Variants in CAMK4 observed in about 807,000 individuals in gnomAD.
CAMK4 encodes calcium/calmodulin dependent protein kinase IV, also known as calcium/calmodulin-dependent protein kinase type IV.
In CAMK4, 22 loss-of-function variants were observed where a neutral mutation model predicts 44.9. The ratio of observed to expected loss-of-function variants is 0.49; its 90% CI spans 0.35 to 0.70. The LOEUF is 0.70. CAMK4 is among the 30% of genes least tolerant of loss of function. CAMK4 has a pLI of 0.01. For synonymous variants in CAMK4, 218 were observed against 215.4 expected, an observed-to-expected ratio of 1.01 and a Z score of -0.11; for missense variants, 498 against 586.8, an observed-to-expected ratio of 0.85 and a Z score of 1.56.
chr5:111,384,175 G>A (rs1751514923), intron 4 of CAMK4, among the ~76,000 whole-genome samples: 3 of 152,138 alleles, frequency 2.0e-5, no homozygotes, highest in South Asian at 4.1e-4. Flanking sequence ...ACAGACAAGG[G>A]CAAGAAAAAG....
chr5:111,482,607 A>G lies in CAMK4; in HGVS notation c.829-178A>G. 2.2e-6 allele frequency: 1 copy of G among 458,828 alleles called. No homozygotes were observed. The allele number at this position is 458,828 out of a possible 1,614,324, so 28.4% of individuals were successfully genotyped here. ...CCTGTCTTCTCATACTCCCTCAGCT[A>G]CTGCTACCTGAAGCTGTGCCTACCT... is the stretch of plus-strand genomic sequence containing the variant. On this transcript the variant is annotated intron_variant, in intron 9 of 10. Coordinates refer to ENST00000282356, the MANE Select transcript of CAMK4 (RefSeq NM_001744.6). The surrounding 1 kb of genome is among the most constrained non-coding windows in gnomAD (Gnocchi z 4.9).
At chr5:111,266,858 A>T (rs928735935) in intron 1 of CAMK4, among the ~76,000 whole-genome samples, 2 of 152,178 alleles carry the variant, frequency 1.3e-5, no homozygotes, top group Non-Finnish European at 2.9e-5. Context: ...GATGTCAATG[A>T]CCACACCCTC....
chr5:111,441,171 T>A (rs1486128512), intron 5 of CAMK4, among the ~76,000 whole-genome samples: 1 of 152,180 alleles, frequency 6.6e-6, no homozygotes, highest in African/African-American at 2.4e-5. Flanking sequence ...AATATACGTA[T>A]TTCTGTCAAC....
chr5:111,338,286 T>G (rs977082026), intron 1 of CAMK4, among the ~76,000 whole-genome samples: 1 of 151,154 alleles, frequency 6.6e-6, no homozygotes, highest in Non-Finnish European at 1.5e-5. Flanking sequence ...TACAATACAT[T>G]ATTATTAACT....
intron 1 of CAMK4, among the ~76,000 whole-genome samples, chr5:111,275,448 T>G (rs1337839531): frequency 1.3e-5 from 2 of 152,162 alleles, no homozygotes; most frequent in African/African-American, 4.8e-5. Flanking sequence ...TCTTACTGTT[T>G]CTTTGCTCAC....
intron 4 of CAMK4, among the ~76,000 whole-genome samples, chr5:111,390,329 G>GT (rs1363350409): frequency 6.6e-6 from 1 of 152,068 alleles, no homozygotes; most frequent in South Asian, 2.1e-4. Context: ...AATCATTGAG[G>GT]TTTTTTGATA....
chr5:111,337,343 G>A (rs1328649445), intron 1 of CAMK4, among the ~76,000 whole-genome samples: 1 of 151,172 alleles, frequency 6.6e-6, no homozygotes, highest in Non-Finnish European at 1.5e-5. Context: ...AGTGAACATT[G>A]TTTTGATCTT....
Position 111,493,491 on chromosome 5 carries a change from T to C in CAMK4, c.*9025T>C, listed in dbSNP as rs977019430. The C allele has an allele frequency of 3.3e-5, 5 of 152,206 alleles. No homozygotes were observed. Among genetic ancestry groups the C allele is most frequent in the Non-Finnish European group, 5.9e-5 (4 of 68,034 alleles). 9.4% of individuals were successfully genotyped at this position (152,206 alleles called of 1,614,324 possible). ...CAAGGTTATTGCTGACCTCATTTTTTCAACCTTTTCAGTTATTTGACCTGA... is the reference window on the plus strand; with the variant it reads ...CAAGGTTATTGCTGACCTCATTTTTCCAACCTTTTCAGTTATTTGACCTGA... On this transcript the variant is annotated 3_prime_UTR_variant, in exon 11 of 11. Coordinates refer to ENST00000282356, the MANE Select transcript of CAMK4 (RefSeq NM_001744.6). The surrounding 1 kb of genome is among the most constrained non-coding windows in gnomAD (Gnocchi z 4.1).
At chr5:111,327,179 C>A (rs1036646669) in intron 1 of CAMK4, among the ~76,000 whole-genome samples, 1 of 148,512 alleles carries the variant, frequency 6.7e-6, no homozygotes, top group Non-Finnish European at 1.5e-5. Context: ...CCACAACAGT[C>A]CCTGGTGTGT....
intron 1 of CAMK4, among the ~76,000 whole-genome samples, chr5:111,268,825 T>A (rs1344554786): frequency 2.0e-5 from 3 of 152,132 alleles, no homozygotes; most frequent in Non-Finnish European, 2.9e-5. Context: ...GGATTAAATA[T>A]TAAAAAATGA....
chr5:111,354,351 C>G (rs532770811), intron 2 of CAMK4, among the ~76,000 whole-genome samples: 140 of 149,744 alleles, frequency 9.3e-4, no homozygotes, highest in African/African-American at 3.3e-3. Flanking sequence ...GAATAATTTC[C>G]AAAGATCAAA....
At chr5:111,228,985 C>T (rs1000238602) in intron 1 of CAMK4, among the ~76,000 whole-genome samples, 8 of 152,180 alleles carry the variant, frequency 5.3e-5, no homozygotes, top group African/African-American at 1.4e-4. Flanking sequence ...GGAAGGAACT[C>T]AGAGACTGAG....
At chr5:111,409,468 A>G (rs1752555968) in intron 5 of CAMK4, among the ~76,000 whole-genome samples, 2 of 152,146 alleles carry the variant, frequency 1.3e-5, no homozygotes, top group Admixed American at 6.5e-5. Context: ...CTATGAAACC[A>G]TTTTTCCCTC....
chr5:111,450,413 G>C (rs1304271713), intron 7 of CAMK4, among the ~76,000 whole-genome samples: 1 of 151,622 alleles, frequency 6.6e-6, no homozygotes, highest in African/African-American at 2.4e-5. Flanking sequence ...ATCACCTACT[G>C]TGTAGTCAAG....
intron 1 of CAMK4, among the ~76,000 whole-genome samples, chr5:111,312,894 C>G (rs1048594406): frequency 6.6e-6 from 1 of 152,038 alleles, no homozygotes; most frequent in Non-Finnish European, 1.5e-5. Context: ...TTAATGCGGC[C>G]CTCCTTTTTT....
chr5:111,293,811 A>G (rs1438404368), intron 1 of CAMK4, among the ~76,000 whole-genome samples: 4 of 138,834 alleles, frequency 2.9e-5, no homozygotes, highest in African/African-American at 1.1e-4. Flanking sequence ...CATTGGCACG[A>G]TCTCGGCTCA....
intron 6 of CAMK4, among the ~76,000 whole-genome samples, chr5:111,447,356 C>T (rs1050935429): frequency 6.6e-6 from 1 of 152,074 alleles, no homozygotes. Flanking sequence ...TAGGAAATGC[C>T]AACTTTAAAA....
At chr5:111,225,314 A>G (rs1411910707) in intron 1 of CAMK4, among the ~76,000 whole-genome samples, 1 of 152,186 alleles carries the variant, frequency 6.6e-6, no homozygotes, top group African/African-American at 2.4e-5. Context: ...TAAATTATAT[A>G]TGCAACAGAC....
In CAMK4 at chr5:111,290,437, C is replaced by A. The variant is rs1355239745; in HGVS notation, c.162-53587C>A. On this transcript the variant is annotated intron_variant, in intron 1 of 10. Coordinates refer to ENST00000282356, the MANE Select transcript of CAMK4 (RefSeq NM_001744.6). This position sits in a 1 kb window ranked among gnomAD's most constrained non-coding sequence, Gnocchi z 4.5. ...TTAAATTCCAGGCAGTAGGAGTGAG[C>A]AATAAGAGAAATGAACCAGGAAATG... Among the ~76,000 whole-genome samples, 1 of 152,086 alleles carries A rather than the reference C, an allele frequency of 6.6e-6. No homozygotes were observed. Among genetic ancestry groups the A allele is most frequent in the East Asian group, 1.9e-4 (1 of 5,190 alleles).
Sources: gnomAD v4.1 joint callset for allele counts (sites outside exome capture counted in the v4.1 genomes callset) on GRCh38, gnomAD v4.1.1 for gene constraint, Gnocchi (gnomAD v3.1) non-coding constraint, MANE v1.5 for transcripts, NCBI Gene and HGNC (gene_info 2026-07-23, HGNC 2026-07-21) for gene names.